FGD4: variants seen among roughly 807,000 people sequenced by gnomAD.
The protein encoded by FGD4 is FYVE, RhoGEF and PH domain containing 4, also known as FYVE, RhoGEF and PH domain-containing protein 4.
A neutral mutation model predicts 102.0 loss-of-function variants in FGD4; 42 were observed. The ratio of observed to expected loss-of-function variants is 0.41; its 90% CI spans 0.32 to 0.53. The LOEUF (loss-of-function observed/expected upper bound fraction) is 0.53, where lower values mean the gene tolerates loss of function less well. Ranked by LOEUF, FGD4 falls within the 20% of genes least tolerant of loss-of-function variation. FGD4 has a pLI of 0.21. For synonymous variants in FGD4, 380 were observed against 375.7 expected (o/e 1.01, Z -0.13); for missense variants, 902 against 1,078.2 (o/e 0.84, Z 2.29).
intron 1 of FGD4, among the ~76,000 whole-genome samples, chr12:32,434,742 T>G (rs1942166637): frequency 6.6e-6 from 1 of 152,206 alleles, no homozygotes; most frequent in African/African-American, 2.4e-5. Flanking sequence ...CATGGTTAAC[T>G]TGTTAACAAG....
chr12:32,590,620 C>T (rs1037041656), intron 4 of FGD4, among the ~76,000 whole-genome samples: 5 of 152,132 alleles, frequency 3.3e-5, no homozygotes, highest in African/African-American at 9.7e-5. Flanking sequence ...CTGGCTCATT[C>T]GCTTACTAGC....
intron 7 of FGD4, among the ~76,000 whole-genome samples, chr12:32,603,437 G>C (rs1361726724): frequency 1.3e-5 from 2 of 151,974 alleles, no homozygotes; most frequent in Non-Finnish European, 2.9e-5. Context: ...GCCCAGGCTG[G>C]AGTGCAGTGG....
chr12:32,626,939 C>A (rs1326672589), intron 14 of FGD4, among the ~76,000 whole-genome samples: 1 of 151,926 alleles, frequency 6.6e-6, no homozygotes, highest in Non-Finnish European at 1.5e-5. Flanking sequence ...CCTCCGCCTC[C>A]CGGGTTCAAG....
At chr12:32,489,180 T>C (rs1944011393) in intron 1 of FGD4, among the ~76,000 whole-genome samples, 1 of 152,186 alleles carries the variant, frequency 6.6e-6, no homozygotes, top group South Asian at 2.1e-4. Context: ...TGCGTGCCTG[T>C]AGTGCACATA....
intron 2 of FGD4, among the ~76,000 whole-genome samples, chr12:32,565,115 A>T (rs1220111513): frequency 1.3e-5 from 2 of 152,182 alleles, no homozygotes; most frequent in Admixed American, 6.5e-5. Context: ...TTTTGTGTTT[A>T]CTTAGTTCTC....
At chr12:32,473,686 G>A (rs1943500675) in intron 1 of FGD4, among the ~76,000 whole-genome samples, 1 of 152,168 alleles carries the variant, frequency 6.6e-6, no homozygotes, top group African/African-American at 2.4e-5. Flanking sequence ...GAAGACCTAT[G>A]AATTAAAAGC....
At chr12:32,545,497 C>T (rs1379265248) in intron 1 of FGD4, among the ~76,000 whole-genome samples, 1 of 152,114 alleles carries the variant, frequency 6.6e-6, no homozygotes, top group Non-Finnish European at 1.5e-5. Context: ...CCATATGGTC[C>T]CTGTTGCAAC....
intron 1 of FGD4, among the ~76,000 whole-genome samples, chr12:32,460,687 ATT>A (rs1943080451): frequency 6.6e-6 from 1 of 152,122 alleles, no homozygotes; most frequent in African/African-American, 2.4e-5. Flanking sequence ...GCAAAGAAAG[ATT>A]GGTCATTTGA....
chr12:32,471,891 T>G (rs190397590), intron 1 of FGD4, among the ~76,000 whole-genome samples: 1 of 152,214 alleles, frequency 6.6e-6, no homozygotes, highest in African/African-American at 2.4e-5. Context: ...AGGCCCAGCC[T>G]ACATCAGTGT....
At chr12:32,518,807 T>G (rs1417205217) in intron 1 of FGD4, among the ~76,000 whole-genome samples, 1 of 150,228 alleles carries the variant, frequency 6.7e-6, no homozygotes, top group African/African-American at 2.5e-5. Context: ...TACATCTTTT[T>G]CTTTACAAAA....
At chr12:32,630,592 A>G (rs1950441787) in intron 14 of FGD4, among the ~76,000 whole-genome samples, 1 of 152,088 alleles carries the variant, frequency 6.6e-6, no homozygotes, top group South Asian at 2.1e-4. Context: ...AGGCAGGTGG[A>G]TCACAAGGTC....
intron 1 of FGD4, among the ~76,000 whole-genome samples, chr12:32,519,431 T>C (rs2136724035): frequency 6.6e-6 from 1 of 152,320 alleles, no homozygotes; most frequent in East Asian, 1.9e-4. Context: ...TTTAAAATCT[T>C]ATTTTTTAAA....
chr12:32,613,273 C>T (rs1027899103), intron 10 of FGD4, among the ~76,000 whole-genome samples: 5 of 152,166 alleles, frequency 3.3e-5, no homozygotes, highest in African/African-American at 1.2e-4. Context: ...GAAAGGAAAA[C>T]TTAGGAACTA....
chr12:32,423,786 A>G (rs1161506763), intron 1 of FGD4, among the ~76,000 whole-genome samples: 1 of 151,466 alleles, frequency 6.6e-6, no homozygotes, highest in Non-Finnish European at 1.5e-5. Context: ...AGTTCTTCCC[A>G]TTTTTAGACA....
At chr12:32,562,137 C>A (rs555805846) in intron 1 of FGD4, among the ~76,000 whole-genome samples, 6 of 152,352 alleles carry the variant, frequency 3.9e-5, no homozygotes, top group African/African-American at 1.4e-4. Context: ...ACAGACCCAA[C>A]ACTAAAAAGG....
chr12:32,424,532 T>A (rs1044738774), intron 1 of FGD4, among the ~76,000 whole-genome samples: 3 of 152,196 alleles, frequency 2.0e-5, no homozygotes, highest in Non-Finnish European at 4.4e-5. Flanking sequence ...AGTCAACATA[T>A]GTGTGCATGT....
At chr12:32,536,320 G>C (rs978869811) in intron 1 of FGD4, among the ~76,000 whole-genome samples, 1 of 152,102 alleles carries the variant, frequency 6.6e-6, no homozygotes, top group Admixed American at 6.5e-5. Context: ...GTTCTTCTTA[G>C]ATACTAGAAT....
chr12:32,611,101 C>G, intron 9 of FGD4, 36 bp from the exon 10 acceptor site: 1 of 1,613,624 alleles, frequency 6.2e-7, no homozygotes, highest in Non-Finnish European at 8.5e-7. Flanking sequence ...AGGTTGAAAC[C>G]TGCCTGTATG....
chr12:32,544,820 A>G lies in FGD4; in HGVS notation c.167-19317A>G, dbSNP rs1380425766. 6.6e-6 allele frequency among the ~76,000 whole-genome samples: 1 copy of G among 152,224 alleles called. No homozygotes were observed. Among genetic ancestry groups the G allele is most frequent in the Non-Finnish European group, 1.5e-5 (1 of 68,038 alleles). On this transcript the variant is annotated intron_variant, in intron 1 of 16. Coordinates refer to ENST00000534526, the MANE Select transcript of FGD4 (RefSeq NM_001370298.3). The surrounding 1 kb of genome is among the most constrained non-coding windows in gnomAD (Gnocchi z 4.1). ...CTGAAAATTATGGAATTCATTTCAT[A>G]TAGCTTCCACTATAAATACTATTTT...
Sources: gnomAD v4.1 joint callset for allele counts (sites outside exome capture counted in the v4.1 genomes callset) on GRCh38, gnomAD v4.1.1 for gene constraint, Gnocchi (gnomAD v3.1) non-coding constraint, MANE v1.5 for transcripts, NCBI Gene and HGNC (gene_info 2026-07-23, HGNC 2026-07-21) for gene names.